LRRTM4: variants seen among roughly 807,000 people sequenced by gnomAD.
LRRTM4 encodes leucine-rich repeat transmembrane neuronal protein 4.
A neutral mutation model predicts 47.6 loss-of-function variants in LRRTM4; 25 were observed. That is an observed-to-expected ratio of 0.53 (90% CI 0.38 to 0.73). The LOEUF is 0.73. LRRTM4 is among the 30% of genes least tolerant of loss of function. The pLI is 0.00. For synonymous variants in LRRTM4, 311 were observed against 269.5 expected (o/e 1.15, Z -1.51); for missense variants, 638 against 713.4 (o/e 0.89, Z 1.20).
At position 76,927,593 on chromosome 2, in the gene LRRTM4, C is replaced by G. The variant is rs145106903; in HGVS notation, c.1552-178677G>C. Among the ~76,000 whole-genome samples, 758 of 152,232 alleles carry G rather than the reference C, an allele frequency of 5.0e-3. 10 individuals carry two copies. The highest frequency in any genetic ancestry group is 0.017 in the African/African-American group (711 of 41,544). ...AAAAAAGCCAATACCTTTCTCTATT[C>G]CAATCCACTAATTTACTTGGGTTTC... On this transcript the variant is annotated intron_variant, in intron 3 of 3. Transcript: ENST00000409884.
intron 3 of LRRTM4, among the ~76,000 whole-genome samples, chr2:77,108,469 A>T (rs2103927833): frequency 6.6e-6 from 1 of 152,188 alleles, no homozygotes. Flanking sequence ...AATAAACTGC[A>T]AAAACTATAG....
At chr2:76,898,851 ATAGT>A (rs1673517003) in intron 3 of LRRTM4, among the ~76,000 whole-genome samples, 1 of 151,468 alleles carries the variant, frequency 6.6e-6, no homozygotes, top group Non-Finnish European at 1.5e-5. Context: ...AAAACTATAT[ATAGT>A]TATACTTTTA....
intron 3 of LRRTM4, among the ~76,000 whole-genome samples, chr2:76,938,745 G>A (rs1675040144): frequency 6.6e-6 from 1 of 152,038 alleles, no homozygotes. Flanking sequence ...CACTATTATG[G>A]AAGCTTATTT....
chr2:77,159,338 A>G lies in LRRTM4; in HGVS notation c.1551+358980T>C, dbSNP rs184748102. ...CATACTGCATTTTTTCAACACAGTA[A>G]GCTGTAAAAAAGAAAGTGTTATTAA... On this transcript the variant is annotated intron_variant, in intron 3 of 3. Transcript: ENST00000409884. 4.2e-3 allele frequency among the ~76,000 whole-genome samples: 639 copies of G among 152,240 alleles called. 4 individuals carry two copies. The highest frequency in any genetic ancestry group is 0.017 in the South Asian group (83 of 4,832).
intron 3 of LRRTM4, among the ~76,000 whole-genome samples, chr2:76,796,889 A>G (rs1349309830): frequency 6.6e-6 from 1 of 152,098 alleles, no homozygotes; most frequent in Non-Finnish European, 1.5e-5. Context: ...GGAAGATGAA[A>G]TGAAGCGAGA....
chr2:77,061,938 A>T (rs958678915), intron 3 of LRRTM4, among the ~76,000 whole-genome samples: 5 of 152,200 alleles, frequency 3.3e-5, no homozygotes, highest in Admixed American at 1.3e-4. Context: ...GAGCCAATTA[A>T]ACAAAATATT....
At chr2:76,801,074 A>T (rs1474010915) in intron 3 of LRRTM4, among the ~76,000 whole-genome samples, 1 of 150,728 alleles carries the variant, frequency 6.6e-6, no homozygotes, top group Non-Finnish European at 1.5e-5. Flanking sequence ...GGGACTGTAA[A>T]CTAGTTCGAC....
At chr2:77,034,513 G>A (rs148102737) in intron 3 of LRRTM4, among the ~76,000 whole-genome samples, 28 of 151,834 alleles carry the variant, frequency 1.8e-4, no homozygotes, top group Non-Finnish European at 3.1e-4. Flanking sequence ...TTTTCTCTCC[G>A]TCTTCTATTT....
intron 3 of LRRTM4, among the ~76,000 whole-genome samples, chr2:77,134,958 A>G (rs6716686): frequency 0.36 from 54,161 of 152,082 alleles, 10,700 homozygotes; most frequent in African/African-American, 0.53. Flanking sequence ...ATTTAGAAAG[A>G]GGATAAAATC....
At chr2:76,912,118 A>C (rs1674087787) in intron 3 of LRRTM4, among the ~76,000 whole-genome samples, 1 of 151,982 alleles carries the variant, frequency 6.6e-6, no homozygotes, top group African/African-American at 2.4e-5. Flanking sequence ...AGGAGGTTTC[A>C]CCATGTTATC....
intron 3 of LRRTM4, among the ~76,000 whole-genome samples, chr2:76,907,829 G>T (rs1443565779): frequency 3.6e-5 from 5 of 137,400 alleles, no homozygotes; most frequent in South Asian, 4.8e-4. Flanking sequence ...AATAACAGGA[G>T]CTGAAATTGT....
chr2:76,942,676 C>CTGTGTGTGTGTGTGTGTGTGTGTGTG (rs61077287), intron 3 of LRRTM4, among the ~76,000 whole-genome samples: 67 of 148,312 alleles, frequency 4.5e-4, no homozygotes, highest in Admixed American at 2.8e-3. Flanking sequence ...CTCTAGGAAT[C>CTGTGTGTGTGTGTGTGTGTGTGTGTG]TGTGTGTGTG....
At chr2:77,185,232 T>C (rs1466937371) in intron 3 of LRRTM4, among the ~76,000 whole-genome samples, 1 of 152,152 alleles carries the variant, frequency 6.6e-6, no homozygotes, top group Non-Finnish European at 1.5e-5. Flanking sequence ...TCTGGTCTGC[T>C]GTCTGTCTTG....
chr2:76,784,388 C>T (rs1674561839), intron 3 of LRRTM4, among the ~76,000 whole-genome samples: 1 of 151,952 alleles, frequency 6.6e-6, no homozygotes, highest in Non-Finnish European at 1.5e-5. Context: ...GAAAGGCATA[C>T]ATATGGACTC....
chr2:77,238,444 G>A (rs533462142), intron 3 of LRRTM4, among the ~76,000 whole-genome samples: 1 of 151,934 alleles, frequency 6.6e-6, no homozygotes, highest in East Asian at 1.9e-4. Flanking sequence ...CCACCTCAAA[G>A]ACACAGGCAT....
At chr2:76,934,649 G>A (rs894060574) in intron 3 of LRRTM4, among the ~76,000 whole-genome samples, 3 of 152,182 alleles carry the variant, frequency 2.0e-5, no homozygotes, top group African/African-American at 7.2e-5. Flanking sequence ...CCCTGAACAT[G>A]GAGCTGGGAA....
chr2:77,314,288 T>C lies in LRRTM4; in HGVS notation c.1551+204030A>G, dbSNP rs866499362. Among the ~76,000 whole-genome samples, 47 of 152,334 alleles carry C rather than the reference T, an allele frequency of 3.1e-4. 1 individual carries two copies. The highest frequency in any genetic ancestry group is 5.4e-4 in the Non-Finnish European group (37 of 68,012). ...TTTATATAATTTTGCTATGTTTTAGTATTCAGTGAATGAAGATGCATCAAT... is the reference window on the plus strand; with the variant it reads ...TTTATATAATTTTGCTATGTTTTAGCATTCAGTGAATGAAGATGCATCAAT... On this transcript the variant is annotated intron_variant, in intron 3 of 3. Coordinates refer to ENST00000409884, the MANE Select transcript of LRRTM4 (RefSeq NM_001134745.3).
intron 3 of LRRTM4, among the ~76,000 whole-genome samples, chr2:77,248,345 G>A (rs12994141): frequency 0.55 from 83,031 of 151,668 alleles, 23,097 homozygotes; most frequent in African/African-American, 0.6. Flanking sequence ...ATCTAACAAA[G>A]CATGTACAAG....
intron 3 of LRRTM4, among the ~76,000 whole-genome samples, chr2:77,088,411 T>C (rs941705317): frequency 2.0e-5 from 3 of 152,262 alleles, no homozygotes; most frequent in African/African-American, 7.2e-5. Flanking sequence ...GACATTACCT[T>C]GTGAAAGTCC....
Sources: gnomAD v4.1 joint callset for allele counts (sites outside exome capture counted in the v4.1 genomes callset) on GRCh38, gnomAD v4.1.1 for gene constraint, MANE v1.5 for transcripts, NCBI Gene and HGNC (gene_info 2026-07-23, HGNC 2026-07-21) for gene names.